PCDHA8: variants seen among roughly 807,000 people sequenced by gnomAD.
PCDHA8 encodes the protein protocadherin alpha 8.
A neutral mutation model predicts 61.8 loss-of-function variants in PCDHA8; 53 were observed. That is an observed-to-expected ratio of 0.86 (90% CI 0.69 to 1.08). The LOEUF is 1.08. Ranked by LOEUF, PCDHA8 falls within the 50% of genes least tolerant of loss-of-function variation. PCDHA8 has a pLI of 0.00. For missense variants in PCDHA8, 1,293 were observed against 1,245.0 expected (o/e 1.04, Z -0.58); for synonymous variants, 618 against 556.6 (o/e 1.11, Z -1.55).
chr5:140,863,639 A>C, intron 1 of PCDHA8: 2 of 305,014 alleles, frequency 6.6e-6, no homozygotes, highest in South Asian at 6.1e-5. Context: ...ATGTTCACCA[A>C]GTTATTAATT....
chr5:140,967,745 G>A, intron 1 of PCDHA8: 1 of 1,614,184 alleles, frequency 6.2e-7, no homozygotes, highest in Non-Finnish European at 8.5e-7. Flanking sequence ...GGATTATGAG[G>A]AAGCCTCCTC....
At chr5:140,862,360 G>A (rs920511235) in intron 1 of PCDHA8, 3 of 334,748 alleles carry the variant, frequency 9.0e-6, no homozygotes, top group Non-Finnish European at 1.8e-5. Context: ...AGGGACAGAC[G>A]ACCCGCACCC....
chr5:140,862,692 G>C, intron 1 of PCDHA8: 1 of 555,502 alleles, frequency 1.8e-6, no homozygotes, highest in Non-Finnish European at 3.6e-6. Flanking sequence ...TGTCCTACTC[G>C]TTGATGGAAC....
chr5:140,981,232 T>G (rs768766953), intron 2 of PCDHA8, among the ~76,000 whole-genome samples: 32 of 152,216 alleles, frequency 2.1e-4, no homozygotes, highest in Non-Finnish European at 4.3e-4. Context: ...GTAGTCTAAA[T>G]TTTATTTTAG....
chr5:140,861,046 A>G (rs2046732410), intron 1 of PCDHA8: 1 of 152,256 alleles, frequency 6.6e-6, no homozygotes, highest in African/African-American at 2.4e-5. Context: ...ATTTTTTTTA[A>G]CAGAAGAAAA....
chr5:140,966,742 G>T, intron 1 of PCDHA8: 1 of 1,422,480 alleles, frequency 7.0e-7, no homozygotes, highest in African/African-American at 1.5e-5. Context: ...GCCCTGCCCG[G>T]CTGCCTCCGC....
intron 1 of PCDHA8, among the ~76,000 whole-genome samples, chr5:140,938,308 T>C (rs1468853140): frequency 6.6e-6 from 1 of 152,212 alleles, no homozygotes; most frequent in Admixed American, 6.5e-5. Context: ...AAATTCAGTA[T>C]AAAATTGAAT....
At chr5:140,999,426 A>G (rs1456581917) in intron 3 of PCDHA8, among the ~76,000 whole-genome samples, 2 of 152,204 alleles carry the variant, frequency 1.3e-5, no homozygotes, top group Middle Eastern at 3.2e-3. Context: ...TAAGAGGCCA[A>G]GTACCTTGCC....
chr5:140,871,674 A>G (rs1582053798), intron 1 of PCDHA8: 3 of 1,137,860 alleles, frequency 2.6e-6, no homozygotes, highest in Non-Finnish European at 3.6e-6. Context: ...TCTTTTAATC[A>G]TATGAATAAT....
intron 1 of PCDHA8, among the ~76,000 whole-genome samples, chr5:140,889,913 T>C (rs1287325026): frequency 6.6e-6 from 1 of 152,172 alleles, no homozygotes; most frequent in Admixed American, 6.5e-5. Context: ...ATTGTCATAC[T>C]GTAAAGAAGC....
intron 1 of PCDHA8, among the ~76,000 whole-genome samples, chr5:140,961,681 G>A (rs911141843): frequency 3.9e-5 from 6 of 152,152 alleles, no homozygotes; most frequent in African/African-American, 9.7e-5. Context: ...TAATTAAGCC[G>A]GAGTAGTCCT....
intron 1 of PCDHA8, chr5:140,966,561 G>T: frequency 2.0e-6 from 1 of 488,962 alleles, no homozygotes; most frequent in African/African-American, 2.0e-5. Flanking sequence ...GGAGGAGCTG[G>T]AATATGGGGA....
intron 1 of PCDHA8, among the ~76,000 whole-genome samples, chr5:140,900,840 T>G (rs6874218): frequency 0.33 from 49,667 of 152,016 alleles, 8,381 homozygotes; most frequent in East Asian, 0.53. Flanking sequence ...ATGTACAAAG[T>G]TTCCCTTTTT....
In PCDHA8 at chr5:141,011,141, A is replaced by G. The variant is rs1039778930; in HGVS notation, c.*1204A>G. 3.9e-5 allele frequency: 6 copies of G among 153,668 alleles called. No homozygotes were observed. In the Admixed American group the frequency reaches 3.9e-4, roughly 10 times the overall value. The allele number at this position is 153,668 out of a possible 1,614,324, so 9.5% of individuals were successfully genotyped here. On this transcript the variant is annotated 3_prime_UTR_variant, in exon 4 of 4. Coordinates refer to ENST00000531613, the MANE Select transcript of PCDHA8 (RefSeq NM_018911.3). Reference sequence around the variant, plus strand: ...ACAATTATGTGCACTTTGATACACAACCTTCTCTAACCAACTATATATCAA... The same window carrying G: ...ACAATTATGTGCACTTTGATACACAGCCTTCTCTAACCAACTATATATCAA...
chr5:140,934,209 C>G (rs1554209791), intron 1 of PCDHA8, among the ~76,000 whole-genome samples: 1 of 152,068 alleles, frequency 6.6e-6, no homozygotes, highest in Non-Finnish European at 1.5e-5. Context: ...TTTCCTCACA[C>G]AAAATGTTTA....
intron 1 of PCDHA8, chr5:140,875,414 C>A: frequency 3.3e-6 from 5 of 1,508,510 alleles, no homozygotes; most frequent in Non-Finnish European, 4.4e-6. Flanking sequence ...CATAAAATAC[C>A]TCAGGCAAGC....
chr5:140,893,725 C>A (rs782492563), intron 1 of PCDHA8, among the ~76,000 whole-genome samples: 4 of 152,154 alleles, frequency 2.6e-5, no homozygotes, highest in Non-Finnish European at 5.9e-5. Context: ...GCTGAGAAAT[C>A]TGCTGTTAGT....
chr5:140,874,567 G>A (rs2055003260), intron 1 of PCDHA8, among the ~76,000 whole-genome samples: 1 of 152,180 alleles, frequency 6.6e-6, no homozygotes, highest in African/African-American at 2.4e-5. Flanking sequence ...GCATTTTAGT[G>A]CTCCATTGTT....
chr5:140,949,924 A>AT (rs144693243), intron 1 of PCDHA8, among the ~76,000 whole-genome samples: 6 of 151,302 alleles, frequency 4.0e-5, no homozygotes, highest in African/African-American at 7.3e-5. Context: ...CTATTTTTAG[A>AT]TTTTTTTTAA....
Sources: allele counts gnomAD v4.1 joint callset (sites outside exome capture counted in the v4.1 genomes callset), GRCh38; gene constraint gnomAD v4.1.1; transcripts MANE v1.5; gene names NCBI Gene and HGNC (gene_info 2026-07-23, HGNC 2026-07-21).